HERC3: variants seen among roughly 807,000 people sequenced by gnomAD.
HERC3 encodes the protein HECT and RLD domain containing E3 ubiquitin protein ligase 3, also known as probable E3 ubiquitin-protein ligase HERC3.
Under a neutral mutation model 129.9 loss-of-function variants are expected in HERC3, and 58 were observed. That is an observed-to-expected ratio of 0.45 (90% confidence interval 0.36 to 0.56). The LOEUF (loss-of-function observed/expected upper bound fraction) is 0.56, where lower values mean the gene tolerates loss of function less well. HERC3 is among the 20% of genes least tolerant of loss of function. The pLI is 0.00. For synonymous variants in HERC3, 430 were observed against 451.0 expected (o/e 0.95, Z 0.59); for missense variants, 835 against 1,244.2 (o/e 0.67, Z 4.95).
At chr4:88,704,054 T>C in intron 23 of HERC3, 44 bp from the exon 24 acceptor site, 1 of 1,564,000 alleles carries the variant, frequency 6.4e-7, no homozygotes, top group East Asian at 2.2e-5. Flanking sequence ...TCATAAGCTT[T>C]ACAAGACTTT....
At chr4:88,534,075 G>A in the HERC3 span, among the ~76,000 whole-genome samples, 3 of 152,036 alleles carry the variant, frequency 2.0e-5, no homozygotes, top group African/African-American at 7.2e-5. Flanking sequence ...ATGCATATGA[G>A]TCACCTGGGA....
At chr4:88,544,071 G>A in the HERC3 span, among the ~76,000 whole-genome samples, 1 of 152,104 alleles carries the variant, frequency 6.6e-6, no homozygotes, top group Non-Finnish European at 1.5e-5. Flanking sequence ...TAGACAAATG[G>A]GATCTAATTA....
In HERC3 at chr4:88,630,594, G is replaced by A. The variant is rs748025200; in HGVS notation, c.227-19246G>A. ...AAAGGAAAGATCTGTGAAGGATAAA[G>A]CATTCATGATAGCATGTGAGCTGAA... On this transcript the variant is annotated intron_variant, in intron 3 of 25. Transcript: ENST00000402738. Among the ~76,000 whole-genome samples the A allele has an allele frequency of 3.9e-4, 60 of 152,184 alleles. 1 individual carries two copies. Among genetic ancestry groups the A allele is most frequent in the Non-Finnish European group, 1.0e-4 (7 of 68,036 alleles).
At chr4:88,612,278 T>TA (rs1216221101) in intron 3 of HERC3, among the ~76,000 whole-genome samples, 1 of 146,362 alleles carries the variant, frequency 6.8e-6, no homozygotes, top group Non-Finnish European at 1.5e-5. Context: ...GCAATACCCT[T>TA]ATGTGACCAA....
At chr4:88,636,303 T>C (rs1383695782) in intron 3 of HERC3, among the ~76,000 whole-genome samples, 2 of 151,930 alleles carry the variant, frequency 1.3e-5, no homozygotes, top group African/African-American at 4.8e-5. Context: ...TGGAGGAAAA[T>C]GTATCCAGCA....
chr4:88,581,465 A>ATT, the HERC3 span, among the ~76,000 whole-genome samples: 58 of 145,312 alleles, frequency 4.0e-4, no homozygotes, highest in South Asian at 2.4e-3. Context: ...GCCTGGCTAA[A>ATT]TTTTTTTTTT....
In HERC3 at chr4:88,704,479, A is replaced by G. The variant is rs748014578; in HGVS notation, c.2842-29A>G. On this transcript the variant is annotated intron_variant, in intron 24 of 25. Coordinates refer to ENST00000402738, the MANE Select transcript of HERC3 (RefSeq NM_014606.3). ...CCACTATAATATTCTTCCAAGATAC[A>G]TTTTTTTCTTTTTCTCTTTTTTGGA... The G allele has an allele frequency of 5.5e-6, 8 of 1,457,954 alleles. No homozygotes were observed. The Admixed American group carries it at 8.4e-5, about 15-fold the overall frequency. 90.3% of individuals were successfully genotyped at this position (1,457,954 alleles called of 1,614,324 possible).
chr4:88,593,656 G>A (rs1009083394), intron 1 of HERC3, among the ~76,000 whole-genome samples: 1 of 152,176 alleles, frequency 6.6e-6, no homozygotes, highest in Non-Finnish European at 1.5e-5. Context: ...TGGGAAAGAC[G>A]ATTCAAGAGC....
intron 10 of HERC3, among the ~76,000 whole-genome samples, chr4:88,658,895 T>A (rs182280679): frequency 6.6e-6 from 1 of 152,298 alleles, no homozygotes; most frequent in East Asian, 1.9e-4. Flanking sequence ...AGTATATATA[T>A]GTATGTAAGA....
intron 23 of HERC3, among the ~76,000 whole-genome samples, chr4:88,687,832 A>G (rs762100156): frequency 4.6e-5 from 7 of 152,232 alleles, no homozygotes; most frequent in Non-Finnish European, 1.0e-4. Context: ...TCATAACAAC[A>G]AATTCAAGTA....
At chr4:88,589,480 T>G (rs1721608525), upstream of HERC3, among the ~76,000 whole-genome samples, 1 of 152,266 alleles carries the variant, frequency 6.6e-6, no homozygotes. Flanking sequence ...TGGTTAATGT[T>G]TGTCTCCCCT....
At chr4:88,650,806 A>G (rs1004916127) in intron 4 of HERC3, among the ~76,000 whole-genome samples, 1 of 152,210 alleles carries the variant, frequency 6.6e-6, no homozygotes, top group Non-Finnish European at 1.5e-5. Flanking sequence ...TAGCATCACC[A>G]TTGCTAGGAG....
chr4:88,575,642 ACAT>A, the HERC3 span, among the ~76,000 whole-genome samples: 1 of 152,230 alleles, frequency 6.6e-6, no homozygotes, highest in East Asian at 1.9e-4. Flanking sequence ...TTCAGTAAAA[ACAT>A]CATTTGCTTT....
the HERC3 span, among the ~76,000 whole-genome samples, chr4:88,526,484 G>C: frequency 2.6e-5 from 4 of 152,176 alleles, no homozygotes; most frequent in East Asian, 7.7e-4. Flanking sequence ...TGATTACAAA[G>C]ACTTACTTTC....
At chr4:88,648,027 A>G (rs1477304083) in intron 3 of HERC3, among the ~76,000 whole-genome samples, 1 of 152,162 alleles carries the variant, frequency 6.6e-6, no homozygotes, top group Admixed American at 6.5e-5. Flanking sequence ...ACAATTATTA[A>G]CTATGGAAAG....
In HERC3 at chr4:88,664,176, C is replaced by G; in HGVS notation, c.1295C>G (p.Ser432Cys). Reference protein sequence around the residue: ...TINGVVQILSSAACWNGSFLE... With the variant: ...TINGVVQILSCAACWNGSFLE... ...AGTGGTGTTGTTCAGATATTATCTT[C>G]TGCAGCCTGTTGGAATGGAAGTTTT... Residue 432 changes from serine (S) to cysteine (C), a missense_variant, in exon 12 of 26, where the codon TCT becomes TGT. Coordinates refer to ENST00000402738, the MANE Select transcript of HERC3 (RefSeq NM_014606.3). 6.2e-7 allele frequency: 1 copy of G among 1,613,090 alleles called. No homozygotes were observed. The highest frequency in any genetic ancestry group is 8.5e-7 in the Non-Finnish European group (1 of 1,179,440).
chr4:88,611,433 C>G (rs1470273615), intron 3 of HERC3, among the ~76,000 whole-genome samples: 1 of 152,134 alleles, frequency 6.6e-6, no homozygotes, highest in Admixed American at 6.5e-5. Flanking sequence ...AATGCTACCC[C>G]CAAGTAGCTT....
At chr4:88,603,678 A>T (rs922873189) in intron 2 of HERC3, among the ~76,000 whole-genome samples, 4 of 152,234 alleles carry the variant, frequency 2.6e-5, no homozygotes, top group Non-Finnish European at 5.9e-5. Flanking sequence ...TAAGATTTCC[A>T]ACTTTATCAA....
chr4:88,645,250 G>A (rs1728567174), intron 3 of HERC3, among the ~76,000 whole-genome samples: 1 of 152,104 alleles, frequency 6.6e-6, no homozygotes, highest in Non-Finnish European at 1.5e-5. Context: ...AAGAGTTAGG[G>A]TGAATGTGAG....
Sources: allele counts gnomAD v4.1 joint callset (sites outside exome capture counted in the v4.1 genomes callset), GRCh38; gene constraint gnomAD v4.1.1; transcripts MANE v1.5; gene names NCBI Gene and HGNC (gene_info 2026-07-23, HGNC 2026-07-21).